The following FAM53A variants were observed in gnomAD, a reference collection of about 807,000 sequenced individuals.
The protein encoded by FAM53A is family with sequence similarity 53 member A, also known as protein FAM53A.
In FAM53A, 28 loss-of-function variants were observed where a neutral mutation model predicts 26.6. That is an observed-to-expected ratio of 1.05 (90% CI 0.78 to 1.45). FAM53A has a LOEUF of 1.45. Ranked by LOEUF, FAM53A falls within the 40% of genes most tolerant of loss-of-function variation. The probability of loss-of-function intolerance (pLI) is 0.00; values close to 1 mark genes in which losing one functional copy is unlikely to be tolerated. For synonymous variants in FAM53A, 290 were observed against 253.1 expected, an observed-to-expected ratio of 1.15 and a Z score of -1.38; for missense variants, 650 against 575.8, an observed-to-expected ratio of 1.13 and a Z score of -1.32.
At chr4:1,586,430 G>T in the FAM53A span, among the ~76,000 whole-genome samples, 1 of 151,934 alleles carries the variant, frequency 6.6e-6, no homozygotes, top group Non-Finnish European at 1.5e-5. Context: ...CCTGACCTCA[G>T]GTGGTCCACC....
At chr4:1,588,161 C>T in the FAM53A span, among the ~76,000 whole-genome samples, 1 of 152,342 alleles carries the variant, frequency 6.6e-6, no homozygotes, top group South Asian at 2.1e-4. Flanking sequence ...TTCCCATTCT[C>T]CAAATAGGGT....
chr4:1,682,512 C>T (rs536684520), intron 1 of FAM53A, among the ~76,000 whole-genome samples: 19 of 152,098 alleles, frequency 1.2e-4, no homozygotes, highest in African/African-American at 3.4e-4. Context: ...CTGCCCGCCT[C>T]GGCCTCTCAA....
the FAM53A span, among the ~76,000 whole-genome samples, chr4:1,612,521 G>A: frequency 6.6e-6 from 1 of 152,078 alleles, no homozygotes; most frequent in African/African-American, 2.4e-5. Flanking sequence ...CACATGCATA[G>A]GCACACATGT....
chr4:1,589,923 T>A, the FAM53A span, among the ~76,000 whole-genome samples: 1 of 152,208 alleles, frequency 6.6e-6, no homozygotes, highest in Non-Finnish European at 1.5e-5. Context: ...TTTATTTACA[T>A]CTTGTTTCCT....
chr4:1,611,874 G>A, the FAM53A span, among the ~76,000 whole-genome samples: 663 of 152,338 alleles, frequency 4.4e-3, 11 homozygotes, highest in African/African-American at 0.014. Context: ...GCAGCTACCC[G>A]AGAGCTAAAG....
chr4:1,671,047 C>G (rs112788619), intron 1 of FAM53A, among the ~76,000 whole-genome samples: 24,863 of 132,590 alleles, frequency 0.19, 59 homozygotes, highest in Middle Eastern at 0.3. Context: ...CACCTCTGTC[C>G]CAGCGTCAGA....
downstream of FAM53A, among the ~76,000 whole-genome samples, chr4:1,616,845 T>C (rs1424819776): frequency 6.6e-6 from 1 of 152,174 alleles, no homozygotes; most frequent in Non-Finnish European, 1.5e-5. Flanking sequence ...CAAATTAAGT[T>C]TCACTTATGG....
chr4:1,580,558 A>ACCCCCCGCCCTAGGCCCCG, the FAM53A span, among the ~76,000 whole-genome samples: 1 of 67,602 alleles, frequency 1.5e-5, no homozygotes, highest in Non-Finnish European at 2.7e-5. Context: ...GCCGGGCCCC[A>ACCCCCCGCCCTAGGCCCCG]CCTCCCGCCC....
chr4:1,684,075 C>T (rs1053295790), intron 1 of FAM53A, 158 bp downstream of exon 1: 1 of 152,120 alleles, frequency 6.6e-6, no homozygotes, highest in African/African-American at 2.4e-5. Context: ...GGCAGGGGGA[C>T]GTAGTCCACG....
At chr4:1,589,023 GA>G in the FAM53A span, among the ~76,000 whole-genome samples, 1 of 152,158 alleles carries the variant, frequency 6.6e-6, no homozygotes, top group Non-Finnish European at 1.5e-5. Flanking sequence ...TGACGAATTT[GA>G]GAAATAGACA....
chr4:1,591,471 T>C, the FAM53A span, among the ~76,000 whole-genome samples: 1 of 152,172 alleles, frequency 6.6e-6, no homozygotes. Flanking sequence ...ATGACATTCC[T>C]ACAGAGAGTG....
At chr4:1,680,319 CAAAA>C (rs143458191) in intron 1 of FAM53A, among the ~76,000 whole-genome samples, 86 of 82,630 alleles carry the variant, frequency 1.0e-3, no homozygotes, top group Non-Finnish European at 1.7e-3. Context: ...AACTCCGTCT[CAAAA>C]AAAAAAAAAA....
At chr4:1,680,372 A>G (rs539308670) in intron 1 of FAM53A, among the ~76,000 whole-genome samples, 4 of 151,002 alleles carry the variant, frequency 2.6e-5, no homozygotes, top group Non-Finnish European at 5.9e-5. Flanking sequence ...AGGTACCACT[A>G]CACACCAATT....
At chr4:1,669,718 G>C (rs1401298520) in intron 1 of FAM53A, among the ~76,000 whole-genome samples, 1 of 152,236 alleles carries the variant, frequency 6.6e-6, no homozygotes, top group South Asian at 2.1e-4. Flanking sequence ...CAGCAACTTG[G>C]AGAAGAGTGC....
At chr4:1,652,406 G>GAC (rs1455087513) in intron 4 of FAM53A, among the ~76,000 whole-genome samples, 1 of 76,654 alleles carries the variant, frequency 1.3e-5, no homozygotes, top group Non-Finnish European at 2.9e-5. Context: ...ACACACACCA[G>GAC]ACACACACAC....
chr4:1,581,952 G>A, the FAM53A span, among the ~76,000 whole-genome samples: 9 of 151,552 alleles, frequency 5.9e-5, no homozygotes, highest in African/African-American at 2.2e-4. Context: ...GCAGTGGTGT[G>A]ATCACAGCTC....
the FAM53A span, among the ~76,000 whole-genome samples, chr4:1,578,153 T>A: frequency 4.6e-5 from 7 of 152,122 alleles, no homozygotes; most frequent in African/African-American, 1.7e-4. Flanking sequence ...CCCCCAAGCC[T>A]GGACACGGCC....
downstream of FAM53A, chr4:1,617,869 G>C (rs1216036299): frequency 2.7e-6 from 1 of 370,200 alleles, no homozygotes; most frequent in East Asian, 7.3e-5. Flanking sequence ...ACCCCTTGAA[G>C]GGAGCGCCTG....
rs1711693154 is a variant in FAM53A at position 1,641,351 on chromosome 4, TC to T, written c.1138del (p.Glu380ArgfsTer44). On this transcript the variant is annotated frameshift_variant, in exon 5 of 5. Transcript: ENST00000308132. LOFTEE classifies it high-confidence loss of function. ...DPRDGDSVGEEGVFPRARWEL... is the reference protein window; with the variant it reads ...DPRDGDSVGEXGVFPRARWEL... ...CCAGCGGGCCCGGGGGAAGACGCCC[TC>T]CTCCCCGACACTGTCCCCATCACGG... 2 of 1,610,886 alleles carry T rather than the reference TC, an allele frequency of 1.2e-6. No homozygotes were observed. The highest frequency in any genetic ancestry group is 2.7e-5 in the African/African-American group (2 of 74,890).
Sources: gnomAD v4.1 joint callset for allele counts (sites outside exome capture counted in the v4.1 genomes callset) on GRCh38, gnomAD v4.1.1 for gene constraint, MANE v1.5 for transcripts, NCBI Gene and HGNC (gene_info 2026-07-23, HGNC 2026-07-21) for gene names.